The following GATA6 variants were observed in gnomAD, a reference collection of about 807,000 sequenced individuals.
GATA6 encodes GATA binding protein 6.
Under a neutral mutation model 48.1 loss-of-function variants are expected in GATA6, and 11 were observed. That is an observed-to-expected ratio of 0.23 (90% CI 0.14 to 0.38). The LOEUF is 0.38. Among genes scored for constraint, GATA6 ranks in the 10% least tolerant of loss-of-function variants. GATA6 has a pLI of 1.00. For synonymous variants in GATA6, 419 were observed against 396.1 expected (o/e 1.06, Z -0.69); for missense variants, 795 against 850.3 (o/e 0.93, Z 0.81).
chr18:22,176,795 C>A (rs1598735956), intron 2 of GATA6, 160 bp from the exon 3 acceptor site: 3 of 806,304 alleles, frequency 3.7e-6, no homozygotes, highest in Non-Finnish European at 5.6e-6. Flanking sequence ...GACGAAATAA[C>A]CCTGCTCCTG....
chr18:22,192,314 GA>G (rs2033336571), intron 6 of GATA6, among the ~76,000 whole-genome samples: 1 of 152,196 alleles, frequency 6.6e-6, no homozygotes, highest in African/African-American at 2.4e-5. Context: ...TGAAGTTTAA[GA>G]AGAATAGCAC....
At chr18:22,178,382 G>C (rs1329686130) in intron 3 of GATA6, among the ~76,000 whole-genome samples, 1 of 152,188 alleles carries the variant, frequency 6.6e-6, no homozygotes, top group African/African-American at 2.4e-5. Flanking sequence ...ATAAAGGAAA[G>C]CTTTCACCAG....
At chr18:22,182,014 C>T (rs569799402) in intron 4 of GATA6, among the ~76,000 whole-genome samples, 1 of 152,004 alleles carries the variant, frequency 6.6e-6, no homozygotes, top group Non-Finnish European at 1.5e-5. Context: ...GACATTTGTG[C>T]AAAAGAGTAA....
At position 22,171,345 on chromosome 18, in the gene GATA6, G is replaced by C. The variant is rs780979305; in HGVS notation, c.201G>C (p.Thr67=). 2.7e-5 allele frequency: 43 copies of C among 1,586,256 alleles called. No homozygotes were observed. In the Middle Eastern group the frequency reaches 9.0e-4, roughly 33 times the overall value. Residue 67 remains threonine, a synonymous_variant, in exon 2 of 7, where the codon ACG becomes ACC. Transcript: ENST00000269216. This position sits in a 1 kb window ranked among gnomAD's most constrained non-coding sequence, Gnocchi z 7.1. ...ASNCGTPQLD[T]EAAAGPPARS... is the part of the protein sequence containing the mutation. ...ACTGCGGGACGCCTCAGCTCGACAC[G>C]GAGGCGGCGGCCGGACCCCCGGCCC...
At chr18:22,199,195 CGTGGAGG>C (rs1416683618) in intron 6 of GATA6, among the ~76,000 whole-genome samples, 7 of 152,114 alleles carry the variant, frequency 4.6e-5, no homozygotes, top group African/African-American at 1.7e-4. Context: ...ACTTGCAGGC[CGTGGAGG>C]CTCGGCACAC....
rs1162544176 is a variant in GATA6, at chr18:22,200,727, T to G, written c.1692T>G (p.Gly564=). 1 of 1,613,932 alleles carries G rather than the reference T, an allele frequency of 6.2e-7. No individual in the cohort carries two copies. Among genetic ancestry groups the G allele is most frequent in the Non-Finnish European group, 8.5e-7 (1 of 1,180,024 alleles). The change falls in exon 7 of 7, where the codon GGT becomes GGG. Residue 564 remains glycine, a synonymous_variant. Coordinates refer to ENST00000269216, the MANE Select transcript of GATA6 (RefSeq NM_005257.6). ...AGAACAGCGAGCTCAAGTATTCGGGTCAAGATGGGCTCTACATAGGCGTCA... is the reference window on the plus strand; with the variant it reads ...AGAACAGCGAGCTCAAGTATTCGGGGCAAGATGGGCTCTACATAGGCGTCA... ...NPENSELKYS[G]QDGLYIGVSL...
intron 3 of GATA6, among the ~76,000 whole-genome samples, chr18:22,178,022 C>G (rs1415524594): frequency 7.9e-6 from 1 of 126,806 alleles, no homozygotes; most frequent in East Asian, 2.4e-4. Flanking sequence ...AGTGCAATGG[C>G]GCGATCTCGG....
Position 22,171,248 on chromosome 18 carries a change from C to G in GATA6, c.104C>G (p.Pro35Arg). 6.3e-7 allele frequency: 1 copy of G among 1,598,660 alleles called. No homozygotes were observed. The highest frequency in any genetic ancestry group is 1.1e-5 in the South Asian group (1 of 90,968). The change falls in exon 2 of 7, where the codon CCG (proline) becomes CGG (arginine). Residue 35 changes from proline to arginine, a missense_variant. This residue lies in a region of GATA6 where 591 missense variants were observed against 570.0 expected (regional missense o/e 1.04). Transcript: ENST00000269216. This position sits in a 1 kb window ranked among gnomAD's most constrained non-coding sequence, Gnocchi z 7.1. ...TTTCCAGCGCGGGAGCCCTCCACGC[C>G]GCCTTCCCCCATCTCTTCCTCGTCC... ...RAFPAREPST[P>R]PSPISSSSSS...
chr18:22,174,274 A>G (rs2033094133), intron 2 of GATA6, among the ~76,000 whole-genome samples: 1 of 152,102 alleles, frequency 6.6e-6, no homozygotes, highest in Non-Finnish European at 1.5e-5. Flanking sequence ...TTCTTGACAC[A>G]CCTTAGCCTG....
At chr18:22,184,808 C>G (rs1047902775) in intron 6 of GATA6, among the ~76,000 whole-genome samples, 1 of 152,036 alleles carries the variant, frequency 6.6e-6, no homozygotes, top group African/African-American at 2.4e-5. Context: ...CTAAAAATAT[C>G]CTTTATTATG....
At position 22,171,717 on chromosome 18, in the gene GATA6, C is replaced by G. The variant is rs2033051871; in HGVS notation, c.573C>G (p.Thr191=). ...AAASSPVYVP[T]TRVGSMLPGL... is the part of the protein sequence containing the mutation. ...CCAGCTCCCCGGTCTACGTGCCCAC[C>G]ACCCGCGTGGGTTCCATGCTGCCCG... is the stretch of plus-strand genomic sequence containing the variant. Residue 191 remains threonine, a synonymous_variant, in exon 2 of 7, where the codon ACC becomes ACG. Transcript: ENST00000269216. The surrounding 1 kb of genome is among the most constrained non-coding windows in gnomAD (Gnocchi z 7.1). 5 of 1,492,548 alleles carry G rather than the reference C, an allele frequency of 3.3e-6. No individual in the cohort carries two copies. Among genetic ancestry groups the G allele is most frequent in the African/African-American group, 1.5e-5 (1 of 68,200 alleles). 92.5% of individuals were successfully genotyped at this position (1,492,548 alleles called of 1,614,324 possible).
chr18:22,188,063 TTC>T (rs1347450718), intron 6 of GATA6, among the ~76,000 whole-genome samples: 1 of 151,870 alleles, frequency 6.6e-6, no homozygotes, highest in African/African-American at 2.4e-5. Flanking sequence ...ATAGCAAGAT[TTC>T]TGTCTCTATT....
At position 22,172,365 on chromosome 18, in the gene GATA6, T is replaced by C; in HGVS notation, c.1135+86T>C. 1 of 1,485,168 alleles carries C rather than the reference T, an allele frequency of 6.7e-7. No homozygotes were observed. The highest frequency in any genetic ancestry group is 1.4e-5 in the African/African-American group (1 of 71,014). The allele number at this position is 1,485,168 out of a possible 1,614,324, so 92.0% of individuals were successfully genotyped here. On this transcript the variant is annotated intron_variant, in intron 2 of 6. Coordinates refer to ENST00000269216, the MANE Select transcript of GATA6 (RefSeq NM_005257.6). The surrounding 1 kb of genome is among the most constrained non-coding windows in gnomAD (Gnocchi z 5.2). Reference sequence around the variant, plus strand: ...TGGAGCAGCTGCTCCACTCGGGCCCTGTTTTCAGGACTTTCTCGTCCGGGT... The same window carrying C: ...TGGAGCAGCTGCTCCACTCGGGCCCCGTTTTCAGGACTTTCTCGTCCGGGT...
intron 6 of GATA6, among the ~76,000 whole-genome samples, chr18:22,191,365 G>GC (rs929538053): frequency 1.6e-3 from 102 of 64,074 alleles, no homozygotes; most frequent in East Asian, 4.1e-3. Flanking sequence ...TCTCCCACCC[G>GC]CCCCCCCAAC....
In GATA6 at chr18:22,187,253, G is replaced by C. The variant is rs575075951; in HGVS notation, c.1620+4210G>C. On this transcript the variant is annotated intron_variant, in intron 6 of 6. Coordinates refer to ENST00000269216, the MANE Select transcript of GATA6 (RefSeq NM_005257.6). ...CCCAGCACTTTGGGAGGCTGAGGTG[G>C]GTTGATCACCTGAGGTCAGGAGTTT... Among the ~76,000 whole-genome samples the C allele has an allele frequency of 7.2e-5, 11 of 152,224 alleles. No individual in the cohort carries two copies. The East Asian group carries it at 1.9e-3, about 27-fold the overall frequency.
chr18:22,175,510 G>C (rs1453912321), intron 2 of GATA6: 1 of 152,214 alleles, frequency 6.6e-6, no homozygotes, highest in African/African-American at 2.4e-5. Context: ...GCATTTTACT[G>C]ATTACCGTAG....
At chr18:22,173,538 A>G (rs557496500) in intron 2 of GATA6, among the ~76,000 whole-genome samples, 99 of 152,324 alleles carry the variant, frequency 6.5e-4, no homozygotes, top group Admixed American at 2.3e-3. Context: ...GGACATTCCC[A>G]ACCTTGTCCG....
At position 22,181,524 on chromosome 18, in the gene GATA6, C is replaced by T. The variant is rs143026087; in HGVS notation, c.1374C>T (p.Asn458=). 6,344 of 1,614,158 alleles carry T rather than the reference C, an allele frequency of 3.9e-3. 26 individuals carry two copies. The highest frequency in any genetic ancestry group is 4.8e-3 in the Non-Finnish European group (5,662 of 1,180,028). The stretch of plus-strand genomic sequence containing the variant: ...CAACTACCACCTTATGGCGCAGAAA[C>T]GCCGAGGGTGAACCCGTGTGCAATG... ...HTTTTTLWRR[N]AEGEPVCNAC... Residue 458 remains asparagine (N), a synonymous_variant, in exon 4 of 7, where the codon AAC becomes AAT. Transcript: ENST00000269216.
chr18:22,188,453 AAAG>A (rs1210860915), intron 6 of GATA6, among the ~76,000 whole-genome samples: 1 of 152,202 alleles, frequency 6.6e-6, no homozygotes, highest in African/African-American at 2.4e-5. Context: ...GGTATCCAGG[AAAG>A]AAGAAGGCAT....
Sources: allele counts gnomAD v4.1 joint callset (sites outside exome capture counted in the v4.1 genomes callset), GRCh38; gene constraint gnomAD v4.1.1; regional missense constraint gnomAD v4.1.1; non-coding constraint Gnocchi (gnomAD v3.1); transcripts MANE v1.5; gene names NCBI Gene and HGNC (gene_info 2026-07-23, HGNC 2026-07-21).